The following MSRA variants were observed in gnomAD, a reference collection of about 807,000 sequenced individuals.
MSRA encodes methionine sulfoxide reductase A, also known as mitochondrial peptide methionine sulfoxide reductase.
A neutral mutation model predicts 31.3 loss-of-function variants in MSRA; 54 were observed. The ratio of observed to expected loss-of-function variants is 1.73; its 90% CI spans 1.39 to 2.17. The LOEUF is 2.17. Among genes scored for constraint, MSRA ranks in the 30% most tolerant of loss-of-function variants. MSRA has a pLI of 0.00. For synonymous variants in MSRA, 169 were observed against 116.5 expected (o/e 1.45, Z -2.90); for missense variants, 507 against 300.9 (o/e 1.69, Z -5.07).
At chr8:10,073,175 T>C (rs563190307) in intron 1 of MSRA, among the ~76,000 whole-genome samples, 2 of 152,338 alleles carry the variant, frequency 1.3e-5, no homozygotes, top group East Asian at 3.9e-4. Context: ...AGAGCAGACA[T>C]GCTTACTTTG....
chr8:10,365,267 C>G (rs531132618), intron 5 of MSRA, among the ~76,000 whole-genome samples: 5 of 152,216 alleles, frequency 3.3e-5, no homozygotes, highest in South Asian at 2.1e-4. Flanking sequence ...ACCCCTCCCC[C>G]GCTCCCTCCG....
At chr8:10,198,205 A>G (rs1370171438) in intron 1 of MSRA, among the ~76,000 whole-genome samples, 1 of 152,212 alleles carries the variant, frequency 6.6e-6, no homozygotes, top group African/African-American at 2.4e-5. Flanking sequence ...AGAAGGAAGC[A>G]AAATCACCCA....
intron 2 of MSRA, among the ~76,000 whole-genome samples, chr8:10,243,418 A>G (rs903137517): frequency 1.3e-5 from 2 of 152,296 alleles, no homozygotes; most frequent in Admixed American, 6.5e-5. Context: ...AAGGAAAATT[A>G]ATAGTGAATG....
In MSRA at chr8:10,190,553, C is replaced by T. The variant is rs573946322; in HGVS notation, c.143-17280C>T. Among the ~76,000 whole-genome samples, 6 of 152,346 alleles carry T rather than the reference C, an allele frequency of 3.9e-5. No individual in the cohort carries two copies. The South Asian group carries it at 1.2e-3, about 32-fold the overall frequency. On this transcript the variant is annotated intron_variant, in intron 1 of 5. Coordinates refer to ENST00000317173, the MANE Select transcript of MSRA (RefSeq NM_012331.5). The stretch of plus-strand genomic sequence containing the variant: ...CAGCCGTCTGGTGGCTGAAGCACAC[C>T]TTCTCCAAGACATCTGAGTCCTTTC...
chr8:10,337,590 T>A (rs1803135192), intron 5 of MSRA: 2 of 648,638 alleles, frequency 3.1e-6, no homozygotes, highest in Non-Finnish European at 5.6e-6. Context: ...TTCCTCTCTG[T>A]CTCTGGAAGT....
At chr8:10,272,096 T>A (rs910564980) in intron 3 of MSRA, among the ~76,000 whole-genome samples, 1 of 152,246 alleles carries the variant, frequency 6.6e-6, no homozygotes, top group Non-Finnish European at 1.5e-5. Flanking sequence ...GCTCCCTTCA[T>A]GCCTCCAAAA....
chr8:10,229,431 G>C (rs544815368), intron 2 of MSRA, among the ~76,000 whole-genome samples: 29 of 152,252 alleles, frequency 1.9e-4, no homozygotes, highest in Middle Eastern at 3.4e-3. Flanking sequence ...GCTGCAGTAT[G>C]GTACGTTTCA....
Position 10,302,878 on chromosome 8 carries a change from C to G in MSRA, c.436+1240C>G, listed in dbSNP as rs201940456. ...AAAGAACCGGTAGGACAAGAACACT[C>G]TAATCAGAAGGTTCACGTGTCACCC... On this transcript the variant is annotated intron_variant, in intron 4 of 5. Transcript: ENST00000317173. Among the ~76,000 whole-genome samples, 30 of 152,280 alleles carry G rather than the reference C, an allele frequency of 2.0e-4. No homozygotes were observed. The East Asian group carries it at 5.8e-3, about 29-fold the overall frequency.
At chr8:10,281,367 G>T (rs1297021199) in intron 3 of MSRA, among the ~76,000 whole-genome samples, 1 of 152,166 alleles carries the variant, frequency 6.6e-6, no homozygotes, top group South Asian at 2.1e-4. Flanking sequence ...TATCAAAAAG[G>T]ATTGATTTAA....
intron 5 of MSRA, among the ~76,000 whole-genome samples, chr8:10,365,516 G>A (rs1393597870): frequency 1.3e-5 from 2 of 152,200 alleles, no homozygotes; most frequent in Admixed American, 6.5e-5. Flanking sequence ...AAAAAAGAAC[G>A]TTGTTGGGGG....
intron 1 of MSRA, among the ~76,000 whole-genome samples, chr8:10,095,108 T>G (rs1252178350): frequency 1.3e-5 from 2 of 152,242 alleles, no homozygotes; most frequent in Non-Finnish European, 2.9e-5. Flanking sequence ...TCCGTTTCTA[T>G]TCTCCCATGA....
intron 1 of MSRA, among the ~76,000 whole-genome samples, chr8:10,145,211 C>T (rs907667994): frequency 1.3e-5 from 2 of 152,130 alleles, no homozygotes; most frequent in African/African-American, 2.4e-5. Context: ...ACCGTCCGAT[C>T]GGAGCACCTG....
At chr8:10,377,161 C>G (rs533706926) in intron 5 of MSRA, among the ~76,000 whole-genome samples, 73 of 152,354 alleles carry the variant, frequency 4.8e-4, no homozygotes, top group African/African-American at 1.7e-3. Flanking sequence ...GCGAGTTTTT[C>G]TTGGAACGAT....
chr8:10,075,451 T>G (rs746917851), intron 1 of MSRA, among the ~76,000 whole-genome samples: 18 of 152,222 alleles, frequency 1.2e-4, no homozygotes, highest in Non-Finnish European at 2.2e-4. Flanking sequence ...TGGCTGACTT[T>G]CCAAGCAGTT....
intron 1 of MSRA, among the ~76,000 whole-genome samples, chr8:10,158,218 T>C (rs1804329950): frequency 6.6e-6 from 1 of 152,222 alleles, no homozygotes; most frequent in Non-Finnish European, 1.5e-5. Flanking sequence ...TGAGGAAAGA[T>C]GTCAACATCT....
intron 5 of MSRA, among the ~76,000 whole-genome samples, chr8:10,358,465 C>G (rs1804639665): frequency 1.3e-5 from 2 of 150,862 alleles, no homozygotes; most frequent in East Asian, 2.0e-4. Context: ...ACCCCCGGTT[C>G]TGGCCTATGG....
At chr8:10,096,129 C>A (rs1799143120) in intron 1 of MSRA, 3 of 1,248,296 alleles carry the variant, frequency 2.4e-6, no homozygotes, top group African/African-American at 3.1e-5. Flanking sequence ...TTTTATGCAG[C>A]CCAGCCAGGA....
intron 2 of MSRA, among the ~76,000 whole-genome samples, chr8:10,217,218 T>C (rs1810071218): frequency 6.6e-6 from 1 of 152,198 alleles, no homozygotes; most frequent in African/African-American, 2.4e-5. Flanking sequence ...TCAAGGGTAC[T>C]TAGGAGGACA....
At chr8:10,054,828 C>A (rs546970710) in intron 1 of MSRA, among the ~76,000 whole-genome samples, 170 bp downstream of exon 1, 11 of 152,324 alleles carry the variant, frequency 7.2e-5, no homozygotes, top group Admixed American at 7.2e-4. Flanking sequence ...CGGGGAGACG[C>A]TGGGGTCCAC....
Sources: gnomAD v4.1 joint callset for allele counts (sites outside exome capture counted in the v4.1 genomes callset) on GRCh38, gnomAD v4.1.1 for gene constraint, MANE v1.5 for transcripts, NCBI Gene and HGNC (gene_info 2026-07-23, HGNC 2026-07-21) for gene names.